CD109: variants seen among roughly 807,000 people sequenced by gnomAD.
The protein encoded by CD109 is CD109 molecule, also known as CD109 antigen.
In CD109, 149 loss-of-function variants were observed where a neutral mutation model predicts 165.8. The ratio of observed to expected loss-of-function variants is 0.90; its 90% CI spans 0.79 to 1.03. CD109 has a LOEUF of 1.03. CD109 is among the 50% of genes least tolerant of loss of function. The pLI, the probability that CD109 is intolerant of heterozygous loss-of-function variation, is 0.00. For synonymous variants in CD109, 585 were observed against 592.1 expected, an observed-to-expected ratio of 0.99 and a Z score of 0.18; for missense variants, 1,712 against 1,677.8, an observed-to-expected ratio of 1.02 and a Z score of -0.36.
chr6:73,711,451 T>C (rs1459699319), intron 2 of CD109, among the ~76,000 whole-genome samples: 1 of 152,208 alleles, frequency 6.6e-6, no homozygotes, highest in Non-Finnish European at 1.5e-5. Context: ...CTGTGTAGAC[T>C]GAATTTACCC....
At chr6:73,712,985 A>G (rs922109840) in intron 2 of CD109, among the ~76,000 whole-genome samples, 1 of 152,198 alleles carries the variant, frequency 6.6e-6, no homozygotes, top group Non-Finnish European at 1.5e-5. Flanking sequence ...AAAGGGAGAA[A>G]AATGTTCACA....
At chr6:73,740,688 G>A (rs560353854) in intron 5 of CD109, among the ~76,000 whole-genome samples, 7 of 150,902 alleles carry the variant, frequency 4.6e-5, no homozygotes, top group Non-Finnish European at 1.0e-4. Flanking sequence ...CACATCCCAG[G>A]TTCAAGCGAT....
chr6:73,757,589 G>A (rs186973671), intron 6 of CD109, among the ~76,000 whole-genome samples: 14 of 152,242 alleles, frequency 9.2e-5, no homozygotes, highest in African/African-American at 3.1e-4. Flanking sequence ...CTCCAGTAGC[G>A]GGGCCACTTG....
chr6:73,736,534 G>A, intron 5 of CD109, 26 bp downstream of exon 5: 1 of 1,593,342 alleles, frequency 6.3e-7, no homozygotes, highest in Non-Finnish European at 8.5e-7. Flanking sequence ...TTTTTTGGGG[G>A]GAATGTTAAA....
At chr6:73,753,636 A>C (rs1466772988) in intron 5 of CD109, among the ~76,000 whole-genome samples, 1 of 152,188 alleles carries the variant, frequency 6.6e-6, no homozygotes. Context: ...ACAATTTAAA[A>C]TGTCAGTGAA....
At chr6:73,699,507 C>T (rs1770979179) in intron 2 of CD109, among the ~76,000 whole-genome samples, 1 of 152,142 alleles carries the variant, frequency 6.6e-6, no homozygotes, top group South Asian at 2.1e-4. Flanking sequence ...TAGAATTTCA[C>T]CTGTTAGGTC....
chr6:73,733,141 A>G (rs1291014010), intron 4 of CD109, among the ~76,000 whole-genome samples: 5 of 152,310 alleles, frequency 3.3e-5, no homozygotes, highest in East Asian at 3.9e-4. Flanking sequence ...TTACAAGTCT[A>G]TGATATTTTC....
the CD109 span, among the ~76,000 whole-genome samples, chr6:73,690,770 A>G: frequency 6.6e-6 from 1 of 152,228 alleles, no homozygotes; most frequent in Non-Finnish European, 1.5e-5. Context: ...GAATAATTAA[A>G]TGGGAAAAGT....
intron 5 of CD109, among the ~76,000 whole-genome samples, chr6:73,752,415 A>C (rs1017433131): frequency 1.1e-4 from 17 of 152,146 alleles, no homozygotes; most frequent in African/African-American, 4.1e-4. Context: ...AGGGTGGTAA[A>C]AATAATGTGT....
intron 5 of CD109, among the ~76,000 whole-genome samples, chr6:73,743,444 C>A (rs890407482): frequency 1.3e-5 from 2 of 152,204 alleles, no homozygotes; most frequent in Non-Finnish European, 2.9e-5. Context: ...TGAGTTATTT[C>A]TTTGCATCTA....
chr6:73,722,049 AATGTT>A (rs1338625187), intron 2 of CD109, among the ~76,000 whole-genome samples: 1 of 152,140 alleles, frequency 6.6e-6, no homozygotes, highest in Non-Finnish European at 1.5e-5. Context: ...AAGTTTTTCT[AATGTT>A]TAATATTTTG....
Position 73,787,280 on chromosome 6 carries a change from C to T in CD109, c.2384C>T (p.Thr795Ile), listed in dbSNP as rs536054052. ...AGTGACAAATTTGATATTCTAATGA[C>T]TTCAAATGAAATAAATGCCACAGGC... ...EKSDKFDILM[T>I]SNEINATGHQ... Residue 795 changes from threonine to isoleucine, a missense_variant, in exon 21 of 33, where the codon ACT (threonine) becomes ATT (isoleucine). By Grantham distance (89) the Thr-to-Ile change is moderately conservative (BLOSUM62 -1). Coordinates refer to ENST00000287097, the MANE Select transcript of CD109 (RefSeq NM_133493.5). 3 of 1,613,686 alleles carry T rather than the reference C, an allele frequency of 1.9e-6. No homozygotes were observed. The Admixed American group carries it at 5.0e-5, about 27-fold the overall frequency.
At chr6:73,761,991 C>T in intron 7 of CD109, among the ~76,000 whole-genome samples, 1 of 151,636 alleles carries the variant, frequency 6.6e-6, no homozygotes, top group Admixed American at 6.6e-5. Context: ...GTCTTGCTGT[C>T]TTGCTGTGTT....
At chr6:73,710,030 A>T (rs1477961877) in intron 2 of CD109, among the ~76,000 whole-genome samples, 1 of 152,234 alleles carries the variant, frequency 6.6e-6, no homozygotes, top group Non-Finnish European at 1.5e-5. Context: ...GAAAACTGGC[A>T]CAAGACAGGG....
intron 2 of CD109, among the ~76,000 whole-genome samples, chr6:73,715,973 T>G (rs556239648): frequency 2.6e-5 from 4 of 152,322 alleles, no homozygotes; most frequent in Non-Finnish European, 5.9e-5. Flanking sequence ...CTTATCTCCA[T>G]TATTAGTTAA....
chr6:73,766,510 T>C (rs933995903), intron 11 of CD109, among the ~76,000 whole-genome samples: 8 of 124,288 alleles, frequency 6.4e-5, no homozygotes, highest in Non-Finnish European at 1.3e-4. Flanking sequence ...TACACACATA[T>C]ATATGTATAT....
chr6:73,737,599 C>A (rs56099933), intron 5 of CD109, among the ~76,000 whole-genome samples: 1 of 152,186 alleles, frequency 6.6e-6, no homozygotes, highest in African/African-American at 2.4e-5. Context: ...TTGCTTATTT[C>A]CTTACTTATA....
intron 2 of CD109, among the ~76,000 whole-genome samples, chr6:73,718,821 A>G (rs535144690): frequency 2.0e-5 from 3 of 152,260 alleles, no homozygotes; most frequent in African/African-American, 7.2e-5. Flanking sequence ...GGTATGTACT[A>G]TTATTATTAT....
chr6:73,713,990 G>T (rs2150158775), intron 2 of CD109, among the ~76,000 whole-genome samples: 1 of 152,268 alleles, frequency 6.6e-6, no homozygotes, highest in East Asian at 1.9e-4. Context: ...AGGGCAGGAA[G>T]GAAGCACATT....
Sources: allele counts gnomAD v4.1 joint callset (sites outside exome capture counted in the v4.1 genomes callset), GRCh38; gene constraint gnomAD v4.1.1; transcripts MANE v1.5; gene names NCBI Gene and HGNC (gene_info 2026-07-23, HGNC 2026-07-21).